PCNX1: variants seen among roughly 807,000 people sequenced by gnomAD.
PCNX1 encodes the protein pecanex 1.
Under a neutral mutation model 242.2 loss-of-function variants are expected in PCNX1, and 78 were observed. The observed-to-expected ratio is 0.32, with a 90% CI of 0.27 to 0.39. The LOEUF (loss-of-function observed/expected upper bound fraction) is 0.39, where lower values mean the gene tolerates loss of function less well. Among genes scored for constraint, PCNX1 ranks in the 10% least tolerant of loss-of-function variants. The probability of loss-of-function intolerance (pLI) is 1.00; values close to 1 mark genes in which losing one functional copy is unlikely to be tolerated. For synonymous variants in PCNX1, 1,024 were observed against 1,032.9 expected, an observed-to-expected ratio of 0.99 and a Z score of 0.17; for missense variants, 2,581 against 2,856.5, an observed-to-expected ratio of 0.90 and a Z score of 2.20.
intron 8 of PCNX1, among the ~76,000 whole-genome samples, chr14:71,003,977 C>G (rs1413824516): frequency 5.3e-5 from 8 of 152,204 alleles, no homozygotes; most frequent in Non-Finnish European, 8.8e-5. Context: ...GACCTGATTT[C>G]CATTGTATCA....
intron 26 of PCNX1, among the ~76,000 whole-genome samples, chr14:71,072,726 G>A (rs2061615642): frequency 6.6e-6 from 1 of 152,182 alleles, no homozygotes; most frequent in Non-Finnish European, 1.5e-5. Flanking sequence ...TTTACAAATT[G>A]AGTTGAAACA....
At chr14:71,050,078 C>T (rs562222217) in intron 22 of PCNX1, among the ~76,000 whole-genome samples, 1 of 152,126 alleles carries the variant, frequency 6.6e-6, no homozygotes, top group Non-Finnish European at 1.5e-5. Context: ...ACATAGTTTC[C>T]AAAGCACTAA....
intron 18 of PCNX1, 115 bp from the exon 19 acceptor site, chr14:71,035,950 T>C: frequency 3.1e-6 from 2 of 653,870 alleles, no homozygotes; most frequent in Non-Finnish European, 5.4e-6. Flanking sequence ...TCTTTAATAC[T>C]GACTGAGCTA....
At chr14:71,084,046 C>T (rs1221647296) in intron 28 of PCNX1, among the ~76,000 whole-genome samples, 1 of 152,142 alleles carries the variant, frequency 6.6e-6, no homozygotes, top group Non-Finnish European at 1.5e-5. Flanking sequence ...TGTGGACATC[C>T]TTTTGGTTGA....
intron 2 of PCNX1, among the ~76,000 whole-genome samples, chr14:70,952,452 TG>T (rs2057822109): frequency 6.6e-6 from 1 of 152,210 alleles, no homozygotes; most frequent in Non-Finnish European, 1.5e-5. Context: ...TTGAATTTTT[TG>T]TGAATAACTC....
At chr14:71,050,904 C>G (rs948329129) in intron 23 of PCNX1, 144 bp downstream of exon 23, 1 of 758,566 alleles carries the variant, frequency 1.3e-6, no homozygotes, top group African/African-American at 1.8e-5. Flanking sequence ...TGCAGTGGCT[C>G]ACGCCTGTAA....
At chr14:70,989,081 A>G (rs1033957729) in intron 7 of PCNX1, among the ~76,000 whole-genome samples, 2 of 152,002 alleles carry the variant, frequency 1.3e-5, no homozygotes, top group African/African-American at 4.8e-5. Flanking sequence ...ATACAAACTG[A>G]GTGGTGAGCT....
intron 2 of PCNX1, among the ~76,000 whole-genome samples, chr14:70,961,581 T>C (rs1383385886): frequency 1.3e-5 from 2 of 152,224 alleles, no homozygotes; most frequent in Non-Finnish European, 2.9e-5. Flanking sequence ...TTCTCTTTTT[T>C]GTCTTTCTGT....
At chr14:70,985,825 G>T (rs578106291) in intron 6 of PCNX1, among the ~76,000 whole-genome samples, 8 of 152,156 alleles carry the variant, frequency 5.3e-5, no homozygotes, top group Non-Finnish European at 8.8e-5. Flanking sequence ...TGGGTTTTAA[G>T]CAGTGTCAAA....
At position 70,907,877 on chromosome 14, in the gene PCNX1, C is replaced by G; in HGVS notation, c.27C>G (p.Leu9=). The G allele has an allele frequency of 6.5e-7, 1 of 1,532,488 alleles. No individual in the cohort carries two copies. Among genetic ancestry groups the G allele is most frequent in the Non-Finnish European group, 8.8e-7 (1 of 1,142,146 alleles). 94.9% of individuals were successfully genotyped at this position (1,532,488 alleles called of 1,614,324 possible). A position where few individuals can be genotyped will look rare whatever the true frequency, so the allele number is the denominator to read the frequency against. Reference sequence around the variant, plus strand: ...TGGGGTCGCAGACGCTGCAGATCCTCCGACAGGGGGTGTGGGCCGCGCTCA... The same window carrying G: ...TGGGGTCGCAGACGCTGCAGATCCTGCGACAGGGGGTGTGGGCCGCGCTCA... The part of the protein sequence containing the change: MGSQTLQI[L]RQGVWAALSG... The change falls in exon 1 of 36, where the codon CTC becomes CTG. Residue 9 remains leucine, a synonymous_variant. Transcript: ENST00000304743.
chr14:70,945,298 T>C (rs1227634757), intron 1 of PCNX1, among the ~76,000 whole-genome samples: 1 of 152,238 alleles, frequency 6.6e-6, no homozygotes, highest in East Asian at 1.9e-4. Flanking sequence ...ACTCAACTCT[T>C]CCAAATCTGA....
rs540464025 is a variant in PCNX1 at position 71,075,734 on chromosome 14, TAA to T, written c.5107-451_5107-450del. On this transcript the variant is annotated intron_variant, in intron 27 of 35. Coordinates refer to ENST00000304743, the MANE Select transcript of PCNX1 (RefSeq NM_014982.3). ...CAAAATGGTGAAAACCCATCTCTAC[TAA>T]AAATACAAAAATTTATCTGGGTGTG... 3.5e-3 allele frequency among the ~76,000 whole-genome samples: 536 copies of T among 152,060 alleles called. 1 individual carries two copies. The highest frequency in any genetic ancestry group is 0.013 in the African/African-American group (520 of 41,508).
At chr14:70,945,784 C>T (rs1351968661) in intron 1 of PCNX1, among the ~76,000 whole-genome samples, 3 of 152,048 alleles carry the variant, frequency 2.0e-5, no homozygotes, top group Non-Finnish European at 4.4e-5. Flanking sequence ...TCTCCTGCCT[C>T]GGCCTCCCAA....
chr14:70,949,768 A>G (rs2810110), intron 2 of PCNX1, among the ~76,000 whole-genome samples: 3 of 152,180 alleles, frequency 2.0e-5, no homozygotes, highest in Admixed American at 6.5e-5. Context: ...CCTATTTGAC[A>G]GAAGTGTCTA....
Position 70,968,189 on chromosome 14 carries a change from C to A in PCNX1, c.469-9C>A. The A allele has an allele frequency of 6.2e-7, 1 of 1,606,346 alleles. No homozygotes were observed. The highest frequency in any genetic ancestry group is 8.5e-7 in the Non-Finnish European group (1 of 1,173,120). ...AATTAGTTTTATTTACTTCATGTCA[C>A]GTTTTCAGATTGGATCTGGTTCCTC... On this transcript the variant is annotated splice_polypyrimidine_tract_variant and intron_variant, in intron 3 of 35. Coordinates refer to ENST00000304743, the MANE Select transcript of PCNX1 (RefSeq NM_014982.3).
At position 71,108,825 on chromosome 14, in the gene PCNX1, A is replaced by G; in HGVS notation, c.6523A>G (p.Met2175Val). ...IQSRLSMVNQ[M>V]EPSGQSGLAC... ...ATCCCGACTGTCGATGGTGAACCAA[A>G]TGGAACCCTCAGGTCAGAGCGGCCT... Residue 2175 changes from methionine (M) to valine (V), a missense_variant, in exon 34 of 36, where the codon ATG becomes GTG. Transcript: ENST00000304743. 1.2e-6 allele frequency: 2 copies of G among 1,614,222 alleles called. No individual in the cohort carries two copies. The highest frequency in any genetic ancestry group is 1.7e-6 in the Non-Finnish European group (2 of 1,180,028).
chr14:71,077,672 A>G (rs1284271461), intron 28 of PCNX1, among the ~76,000 whole-genome samples: 7 of 152,228 alleles, frequency 4.6e-5, no homozygotes, highest in African/African-American at 1.2e-4. Context: ...TAACCTCACA[A>G]AAGGTTCAGA....
chr14:71,070,227 A>G (rs960850349), intron 26 of PCNX1, among the ~76,000 whole-genome samples: 1 of 152,176 alleles, frequency 6.6e-6, no homozygotes, highest in Non-Finnish European at 1.5e-5. Flanking sequence ...TTCCTGCCAT[A>G]TCTGCAATTA....
intron 2 of PCNX1, among the ~76,000 whole-genome samples, chr14:70,952,266 T>C (rs915096303): frequency 6.6e-6 from 1 of 152,226 alleles, no homozygotes; most frequent in Non-Finnish European, 1.5e-5. Flanking sequence ...TCTTTTACTT[T>C]AAAAATTTTT....
Sources: gnomAD v4.1 joint callset for allele counts (sites outside exome capture counted in the v4.1 genomes callset) on GRCh38, gnomAD v4.1.1 for gene constraint, MANE v1.5 for transcripts, NCBI Gene and HGNC (gene_info 2026-07-23, HGNC 2026-07-21) for gene names.